Variants in IRS2 observed in about 807,000 individuals in gnomAD.
IRS2 encodes insulin receptor substrate 2.
A neutral mutation model predicts 70.9 loss-of-function variants in IRS2; 28 were observed. The ratio of observed to expected loss-of-function variants is 0.39; its 90% CI spans 0.29 to 0.54. IRS2 has a LOEUF of 0.54. Among genes scored for constraint, IRS2 ranks in the 20% least tolerant of loss-of-function variants. IRS2 has a pLI of 0.59. For synonymous variants in IRS2, 1,217 were observed against 981.9 expected (o/e 1.24, Z -4.48); for missense variants, 2,081 against 2,024.1 (o/e 1.03, Z -0.54).
rs1877739931 is a variant in IRS2, at chr13:109,782,495, C to T, written c.3559G>A (p.Glu1187Lys). The T allele has an allele frequency of 6.4e-7, 1 of 1,553,462 alleles. No homozygotes were observed. Among genetic ancestry groups the T allele is most frequent in the Non-Finnish European group, 8.7e-7 (1 of 1,149,452 alleles). ...CCAGGGCCGACACCCACGCCGCCCT[C>T]GCTGCTTTTCCTGAGAGAGACATTT... ...VENVSLRKSSEGGVGVGPGGG... is the reference protein window; with the variant it reads ...VENVSLRKSSKGGVGVGPGGG... The change falls in exon 1 of 2, where the codon GAG (glutamate) becomes AAG (lysine). Residue 1187 changes from glutamate to lysine, a missense_variant. Coordinates refer to ENST00000375856, the MANE Select transcript of IRS2 (RefSeq NM_003749.3).
chr13:109,754,807 G>A lies in IRS2; in HGVS notation c.*1497C>T, dbSNP rs1271257990. On this transcript the variant is annotated 3_prime_UTR_variant, in exon 2 of 2. Transcript: ENST00000375856. ...CATTTTATTAATGCATTATTCTATA[G>A]CGATAGATATCTATTATATATTTAT... is the stretch of plus-strand genomic sequence containing the variant. 5.2e-6 allele frequency: 1 copy of A among 192,236 alleles called. No individual in the cohort carries two copies. Among genetic ancestry groups the A allele is most frequent in the Non-Finnish European group, 1.1e-5 (1 of 92,060 alleles). 11.9% of individuals were successfully genotyped at this position (192,236 alleles called of 1,614,324 possible).
rs1877857862 is a variant in IRS2, at chr13:109,784,693, T to C, written c.1361A>G (p.His454Arg). ...CGGCGGCGGGTAGGAGCCCGAGCCG[T>C]GGCCGCTGCTGGACGACAGGGAGCC... is the stretch of plus-strand genomic sequence containing the variant. ...SPGSLSSSSG[H>R]GSGSYPPPPG... Residue 454 changes from histidine (H) to arginine (R), a missense_variant, in exon 1 of 2, where the codon CAC becomes CGC. Coordinates refer to ENST00000375856, the MANE Select transcript of IRS2 (RefSeq NM_003749.3). The surrounding 1 kb of genome is among the most constrained non-coding windows in gnomAD (Gnocchi z 5.2). The C allele has an allele frequency of 8.1e-7, 1 of 1,233,566 alleles. No homozygotes were observed. The highest frequency in any genetic ancestry group is 1.0e-6 in the Non-Finnish European group (1 of 990,796). The allele number at this position is 1,233,566 out of a possible 1,614,324, so 76.4% of individuals were successfully genotyped here.
chr13:109,782,500 C>G lies in IRS2; in HGVS notation c.3554G>C (p.Ser1185Thr). ...ASVENVSLRK[S>T]SEGGVGVGPG... ...GCCGACACCCACGCCGCCCTCGCTG[C>G]TTTTCCTGAGAGAGACATTTTCCAC... The change falls in exon 1 of 2, where the codon AGC becomes ACC. Residue 1185 changes from serine to threonine, a missense_variant. Transcript: ENST00000375856. 7 of 1,553,890 alleles carry G rather than the reference C, an allele frequency of 4.5e-6. No homozygotes were observed. Among genetic ancestry groups the G allele is most frequent in the Non-Finnish European group, 6.1e-6 (7 of 1,149,548 alleles).
chr13:109,762,034 T>G lies in IRS2; in HGVS notation c.4013-5726A>C, dbSNP rs139426828. 1.7e-4 allele frequency among the ~76,000 whole-genome samples: 26 copies of G among 152,312 alleles called. No homozygotes were observed. The East Asian group carries it at 5.0e-3, about 29-fold the overall frequency. ...ACTAGGAAAATCAGGCCTCCTAAAC[T>G]TTTACCTACTGCACTTCCAATTCCC... On this transcript the variant is annotated intron_variant, in intron 1 of 1. Transcript: ENST00000375856.
chr13:109,768,176 A>G (rs568934287), intron 1 of IRS2, among the ~76,000 whole-genome samples: 1 of 152,352 alleles, frequency 6.6e-6, no homozygotes, highest in African/African-American at 2.4e-5. Context: ...AACTAGCAAC[A>G]CAGTTCAAGC....
intron 1 of IRS2, among the ~76,000 whole-genome samples, chr13:109,771,285 T>C (rs1230862008): frequency 6.6e-6 from 1 of 152,172 alleles, no homozygotes; most frequent in African/African-American, 2.4e-5. Context: ...TTGTATCTAG[T>C]ATTTTCATGC....
Position 109,756,318 on chromosome 13 carries a change from A to G in IRS2, c.4013-10T>C, listed in dbSNP as rs763245772. On this transcript the variant is annotated splice_polypyrimidine_tract_variant and intron_variant, in intron 1 of 1. Transcript: ENST00000375856. ...CAGACAGATCTTCACTCTGAAAAAG[A>G]AAGGAGGGAAGTTAGCAGAGACCCT... 1.9e-6 allele frequency: 3 copies of G among 1,611,794 alleles called. No homozygotes were observed. The highest frequency in any genetic ancestry group is 1.7e-6 in the Non-Finnish European group (2 of 1,177,974).
At position 109,758,225 on chromosome 13, in the gene IRS2, A is replaced by G. The variant is rs568386036; in HGVS notation, c.4013-1917T>C. Among the ~76,000 whole-genome samples, 7 of 152,088 alleles carry G rather than the reference A, an allele frequency of 4.6e-5. No individual in the cohort carries two copies. The South Asian group carries it at 1.5e-3, about 32-fold the overall frequency. The stretch of plus-strand genomic sequence containing the variant: ...CTTGAGACTTGTAATTCACCCTAAA[A>G]TGAGCTTGCATTTTGTCCCTGAGAC... On this transcript the variant is annotated intron_variant, in intron 1 of 1. Coordinates refer to ENST00000375856, the MANE Select transcript of IRS2 (RefSeq NM_003749.3).
At position 109,755,959 on chromosome 13, in the gene IRS2, G is replaced by C. The variant is rs1351313688; in HGVS notation, c.*345C>G. On this transcript the variant is annotated 3_prime_UTR_variant, in exon 2 of 2. Transcript: ENST00000375856. ...GAGGGTTATATCTGCTTTGCCAAAA[G>C]GAAAAGAAGAAGAAATTAAAAGACA... 2.6e-6 allele frequency: 1 copy of C among 386,178 alleles called. No individual in the cohort carries two copies. Among genetic ancestry groups the C allele is most frequent in the African/African-American group, 2.0e-5 (1 of 50,116 alleles). The allele number at this position is 386,178 out of a possible 1,614,324, so 23.9% of individuals were successfully genotyped here.
At position 109,761,589 on chromosome 13, in the gene IRS2, G is replaced by GAAAAAA. The variant is rs59128444; in HGVS notation, c.4013-5287_4013-5282dup. On this transcript the variant is annotated intron_variant, in intron 1 of 1. Transcript: ENST00000375856. ...CTAAAGCAAGACACTCTAAGAACAT[G>GAAAAAA]AAAAAAAAAAAAAGGTAAGGTTGGG... Among the ~76,000 whole-genome samples the GAAAAAA allele has an allele frequency of 6.1e-4, 80 of 131,874 alleles. 1 individual carries two copies. The South Asian group carries it at 0.018, about 30-fold the overall frequency. 86.5% of individuals were successfully genotyped at this position (131,874 alleles called of 152,430 possible).
rs1356522023 is a variant in IRS2 at position 109,783,792 on chromosome 13, C to A, written c.2262G>T (p.Glu754Asp). The A allele has an allele frequency of 6.3e-7, 1 of 1,597,746 alleles. No homozygotes were observed. The highest frequency in any genetic ancestry group is 8.5e-7 in the Non-Finnish European group (1 of 1,172,668). Residue 754 changes from glutamate (E) to aspartate (D), a missense_variant, in exon 1 of 2, where the codon GAG (glutamate) becomes GAT (aspartate). By Grantham distance (45) the Glu-to-Asp change is conservative. Transcript: ENST00000375856. ...TGGGCAGCAGCTTGCCATCTGCATGCTCCATGGACAGCTTGGAACCGCACC... is the reference window on the plus strand; with the variant it reads ...TGGGCAGCAGCTTGCCATCTGCATGATCCATGGACAGCTTGGAACCGCACC... ...RMWCGSKLSM[E>D]HADGKLLPNG...
chr13:109,774,875 C>T (rs1877537184), intron 1 of IRS2, among the ~76,000 whole-genome samples: 1 of 152,188 alleles, frequency 6.6e-6, no homozygotes, highest in Non-Finnish European at 1.5e-5. Flanking sequence ...AGAAGAGTGG[C>T]AGGCAGTTAT....
Position 109,783,598 on chromosome 13 carries a change from T to G in IRS2, c.2456A>C (p.Asp819Ala). 3 of 1,543,464 alleles carry G rather than the reference T, an allele frequency of 1.9e-6. No homozygotes were observed. The highest frequency in any genetic ancestry group is 1.8e-6 in the Non-Finnish European group (2 of 1,142,286). The part of the protein sequence containing the change: ...SYKAPYTCGG[D>A]SDQYVLMSSP... ...GCTCATGAGCACGTACTGGTCGCTGTCCCCGCCACAGGTGTAGGGGGCCTT... is the reference window on the plus strand; with the variant it reads ...GCTCATGAGCACGTACTGGTCGCTGGCCCCGCCACAGGTGTAGGGGGCCTT... The change falls in exon 1 of 2, where the codon GAC becomes GCC. Residue 819 changes from aspartate to alanine, a missense_variant. Around this residue, in one of 4 missense-constraint regions of IRS2, gnomAD observed 1,615 missense variants for 1,459.5 expected, o/e 1.11. Transcript: ENST00000375856.
At chr13:109,776,492 C>A (rs148697682) in intron 1 of IRS2, among the ~76,000 whole-genome samples, 2,832 of 152,248 alleles carry the variant, frequency 0.019, 35 homozygotes, top group Non-Finnish European at 0.026. Context: ...ACATGTAACC[C>A]ATAAGTTTTA....
At chr13:109,773,613 A>C (rs1451439799) in intron 1 of IRS2, among the ~76,000 whole-genome samples, 1 of 152,222 alleles carries the variant, frequency 6.6e-6, no homozygotes, top group African/African-American at 2.4e-5. Flanking sequence ...AAGTAAATAC[A>C]TGACCTTAAA....
intron 1 of IRS2, among the ~76,000 whole-genome samples, chr13:109,778,534 G>A (rs750483855): frequency 1.3e-5 from 2 of 152,134 alleles, no homozygotes; most frequent in Non-Finnish European, 2.9e-5. Flanking sequence ...ACTAGCACCC[G>A]CCACAGCAAA....
chr13:109,774,218 A>C (rs750967520), intron 1 of IRS2, among the ~76,000 whole-genome samples: 2 of 152,180 alleles, frequency 1.3e-5, no homozygotes, highest in Non-Finnish European at 2.9e-5. Context: ...AGACAGCCAG[A>C]GCAATCTAAG....
At chr13:109,778,855 T>C (rs1464889559) in intron 1 of IRS2, among the ~76,000 whole-genome samples, 2 of 152,194 alleles carry the variant, frequency 1.3e-5, no homozygotes, top group African/African-American at 4.8e-5. Flanking sequence ...GCAAATTTTA[T>C]GGCATTCATC....
intron 1 of IRS2, among the ~76,000 whole-genome samples, chr13:109,770,093 G>C (rs1015076718): frequency 1.3e-5 from 2 of 152,200 alleles, no homozygotes; most frequent in Non-Finnish European, 2.9e-5. Flanking sequence ...AACCCAATGG[G>C]ACTTCCTTCT....
Sources: gnomAD v4.1 joint callset for allele counts (sites outside exome capture counted in the v4.1 genomes callset) on GRCh38, gnomAD v4.1.1 for gene constraint, gnomAD v4.1.1 regional missense constraint, Gnocchi (gnomAD v3.1) non-coding constraint, MANE v1.5 for transcripts, NCBI Gene and HGNC (gene_info 2026-07-23, HGNC 2026-07-21) for gene names.